The following AGTPBP1 variants were observed in gnomAD, a reference collection of about 807,000 sequenced individuals.
AGTPBP1 encodes cytosolic carboxypeptidase 1.
In AGTPBP1, 70 loss-of-function variants were observed where a neutral mutation model predicts 143.9. The ratio of observed to expected loss-of-function variants is 0.49; its 90% CI spans 0.40 to 0.59. The LOEUF is 0.59. Among genes scored for constraint, AGTPBP1 ranks in the 20% least tolerant of loss-of-function variants. The pLI is 0.00. For missense variants in AGTPBP1, 1,229 were observed against 1,464.5 expected, an observed-to-expected ratio of 0.84 and a Z score of 2.62; for synonymous variants, 463 against 500.2, an observed-to-expected ratio of 0.93 and a Z score of 0.99.
chr9:85,609,330 G>A (rs894539828), intron 17 of AGTPBP1, among the ~76,000 whole-genome samples: 13 of 135,112 alleles, frequency 9.6e-5, no homozygotes, highest in Admixed American at 6.3e-4. Context: ...CGCTCTTGTT[G>A]CCCAGGCTGG....
In AGTPBP1 at chr9:85,694,326, C is replaced by T. The variant is rs563195042; in HGVS notation, c.33-1513G>A. 4.6e-5 allele frequency among the ~76,000 whole-genome samples: 7 copies of T among 152,142 alleles called. No homozygotes were observed. The East Asian group carries it at 7.7e-4, about 17-fold the overall frequency. ...CATCTATCTTTCCCCTTCAATTAATCGACTTGTAGGCACACAAGTATGATC... is the reference window on the plus strand; with the variant it reads ...CATCTATCTTTCCCCTTCAATTAATTGACTTGTAGGCACACAAGTATGATC... On this transcript the variant is annotated intron_variant, in intron 2 of 25. Coordinates refer to ENST00000357081, the MANE Select transcript of AGTPBP1 (RefSeq NM_001330701.2).
At chr9:85,690,107 T>C (rs1054185739) in intron 3 of AGTPBP1, among the ~76,000 whole-genome samples, 6 of 151,950 alleles carry the variant, frequency 3.9e-5, no homozygotes, top group African/African-American at 7.2e-5. Flanking sequence ...GCACCAGACA[T>C]TGTCATTCTA....
At chr9:85,711,200 C>A (rs1837342741) in intron 2 of AGTPBP1, among the ~76,000 whole-genome samples, 1 of 152,106 alleles carries the variant, frequency 6.6e-6, no homozygotes, top group African/African-American at 2.4e-5. Context: ...TCTTCACAGC[C>A]TTATAATAAC....
At chr9:85,651,551 T>C (rs922264498) in intron 11 of AGTPBP1, among the ~76,000 whole-genome samples, 3 of 152,208 alleles carry the variant, frequency 2.0e-5, no homozygotes, top group Non-Finnish European at 4.4e-5. Context: ...TTATAATGTT[T>C]AATACAAATA....
intron 8 of AGTPBP1, among the ~76,000 whole-genome samples, chr9:85,668,346 A>G (rs190657315): frequency 1.3e-5 from 2 of 151,994 alleles, no homozygotes; most frequent in Non-Finnish European, 2.9e-5. Context: ...GATTGTATTA[A>G]GTAAGTATCA....
chr9:85,768,983 AG>A, the AGTPBP1 span, among the ~76,000 whole-genome samples: 1 of 146,952 alleles, frequency 6.8e-6, no homozygotes, highest in Non-Finnish European at 1.5e-5. Context: ...CAAGAGGTGG[AG>A]GTTGCAGTGA....
intron 17 of AGTPBP1, among the ~76,000 whole-genome samples, chr9:85,604,111 T>C (rs1450369898): frequency 6.6e-6 from 1 of 152,214 alleles, no homozygotes; most frequent in Non-Finnish European, 1.5e-5. Flanking sequence ...CCTTGGGCCT[T>C]GAGTGAACAC....
intron 1 of AGTPBP1, among the ~76,000 whole-genome samples, chr9:85,731,151 G>T (rs910263262): frequency 3.3e-5 from 5 of 152,058 alleles, no homozygotes; most frequent in Non-Finnish European, 4.4e-5. Flanking sequence ...GCATAGCCAG[G>T]GTCAAGAACC....
chr9:85,614,861 A>C (rs188309917), intron 17 of AGTPBP1, among the ~76,000 whole-genome samples: 4 of 152,244 alleles, frequency 2.6e-5, no homozygotes. Flanking sequence ...AAAGTGAGGA[A>C]TTATAAGCAA....
At chr9:85,695,787 C>T (rs1292830631) in intron 2 of AGTPBP1, among the ~76,000 whole-genome samples, 1 of 151,920 alleles carries the variant, frequency 6.6e-6, no homozygotes, top group East Asian at 1.9e-4. Context: ...AAACGATGGA[C>T]AAACAATGAT....
upstream of AGTPBP1, among the ~76,000 whole-genome samples, chr9:85,742,885 A>G (rs1824463274): frequency 6.6e-6 from 1 of 152,230 alleles, no homozygotes; most frequent in Admixed American, 6.5e-5. Flanking sequence ...AAGGGAATGC[A>G]TTGAGAACTG....
chr9:85,745,921 A>G (rs115417939), upstream of AGTPBP1, among the ~76,000 whole-genome samples: 6,457 of 152,290 alleles, frequency 0.042, 207 homozygotes, highest in African/African-American at 0.089. Context: ...AGCTCCAGAC[A>G]TAGACAAGCA....
the AGTPBP1 span, among the ~76,000 whole-genome samples, chr9:85,756,821 T>A: frequency 5.7e-4 from 87 of 152,068 alleles, no homozygotes; most frequent in Non-Finnish European, 7.4e-5. Flanking sequence ...AACACCTATG[T>A]TAAGTGAAAG....
At chr9:85,674,608 A>G (rs1009269325) in intron 6 of AGTPBP1, among the ~76,000 whole-genome samples, 53 of 152,114 alleles carry the variant, frequency 3.5e-4, no homozygotes, top group African/African-American at 1.2e-3. Flanking sequence ...TACAAGAGCT[A>G]AAGAAAAATA....
At chr9:85,575,241 T>G (rs1446255209) in intron 25 of AGTPBP1, 74 bp downstream of exon 25, 43 of 1,172,120 alleles carry the variant, frequency 3.7e-5, no homozygotes, top group Non-Finnish European at 4.5e-5. Context: ...AAAATTTCCA[T>G]GCCTTTTCTG....
chr9:85,605,997 A>G (rs969208943), intron 17 of AGTPBP1, among the ~76,000 whole-genome samples: 3 of 152,046 alleles, frequency 2.0e-5, no homozygotes, highest in Non-Finnish European at 1.5e-5. Flanking sequence ...AGAGAGGACC[A>G]CAAAACAATT....
chr9:85,595,276 C>T (rs1256221518), intron 18 of AGTPBP1, among the ~76,000 whole-genome samples: 1 of 152,148 alleles, frequency 6.6e-6, no homozygotes, highest in African/African-American at 2.4e-5. Context: ...AAAACAAGGG[C>T]ATTAGTGCCA....
chr9:85,706,821 A>G (rs1479671979), intron 2 of AGTPBP1, among the ~76,000 whole-genome samples: 1 of 152,168 alleles, frequency 6.6e-6, no homozygotes, highest in Non-Finnish European at 1.5e-5. Flanking sequence ...GCTTGCAGTG[A>G]GCCGACATCG....
intron 2 of AGTPBP1, among the ~76,000 whole-genome samples, chr9:85,696,662 GT>G (rs1286880471): frequency 2.0e-5 from 3 of 149,418 alleles, no homozygotes; most frequent in Admixed American, 6.7e-5. Flanking sequence ...GCAAGACTCC[GT>G]CTCAAAAAAA....
Sources: allele counts gnomAD v4.1 joint callset (sites outside exome capture counted in the v4.1 genomes callset), GRCh38; gene constraint gnomAD v4.1.1; transcripts MANE v1.5; gene names NCBI Gene and HGNC (gene_info 2026-07-23, HGNC 2026-07-21).